Variants in RMI1 observed in about 807,000 individuals in gnomAD.
The protein encoded by RMI1 is recQ-mediated genome instability protein 1.
A neutral mutation model predicts 46.7 loss-of-function variants in RMI1; 36 were observed. The ratio of observed to expected loss-of-function variants is 0.77; its 90% CI spans 0.59 to 1.02. RMI1 has a LOEUF of 1.02. Ranked by LOEUF, RMI1 falls within the 50% of genes least tolerant of loss-of-function variation. The pLI is 0.00. For synonymous variants in RMI1, 250 were observed against 252.9 expected (o/e 0.99, Z 0.11); for missense variants, 676 against 713.7 (o/e 0.95, Z 0.60).
intron 1 of RMI1, among the ~76,000 whole-genome samples, chr9:83,986,557 A>G (rs764550652): frequency 4.6e-5 from 7 of 152,196 alleles, no homozygotes; most frequent in African/African-American, 1.2e-4. Context: ...CAGTTTCATC[A>G]TTGTCAAAAA....
At chr9:83,981,866 T>G (rs549266404) in intron 1 of RMI1, among the ~76,000 whole-genome samples, 35 of 152,186 alleles carry the variant, frequency 2.3e-4, no homozygotes, top group African/African-American at 8.0e-4. Context: ...CTTGACTGAT[T>G]AGAGGAAAAC....
intron 1 of RMI1, among the ~76,000 whole-genome samples, chr9:83,993,437 G>A (rs965144915): frequency 1.3e-5 from 2 of 152,186 alleles, no homozygotes; most frequent in Non-Finnish European, 2.9e-5. Flanking sequence ...TGTGAGCAAT[G>A]CTGCAACAAA....
rs1588474269 is a variant in RMI1, at chr9:84,001,662, A to G, written c.676A>G (p.Asn226Asp). 6.2e-7 allele frequency: 1 copy of G among 1,614,020 alleles called. No homozygotes were observed. Among genetic ancestry groups the G allele is most frequent in the East Asian group, 2.2e-5 (1 of 44,876 alleles). Residue 226 changes from asparagine (N) to aspartate (D), a missense_variant, in exon 3 of 3, where the codon AAC becomes GAC. Transcript: ENST00000445877. The part of the protein sequence containing the change: ...LVVSVIPNNS[N>D]ENIPRVTDVL... Reference sequence around the variant, plus strand: ...AGTTTCAGTCATACCAAACAATTCTAACGAAAACATTCCCAGAGTTACAGA... The same window carrying G: ...AGTTTCAGTCATACCAAACAATTCTGACGAAAACATTCCCAGAGTTACAGA...
In RMI1 at chr9:84,001,243, CT is replaced by C. The variant is rs1295757876; in HGVS notation, c.258del (p.Leu87CysfsTer9). The C allele has an allele frequency of 6.2e-7, 1 of 1,613,988 alleles. No individual in the cohort carries two copies. The highest frequency in any genetic ancestry group is 8.5e-7 in the Non-Finnish European group (1 of 1,180,000). On this transcript the variant is annotated frameshift_variant, in exon 3 of 3. Coordinates refer to ENST00000445877, the MANE Select transcript of RMI1 (RefSeq NM_001358291.2). LOFTEE classifies it high-confidence loss of function. ...AAAGGAGAATTAAATGGATTTTATGCTCTGCAGATTAATTCCTTGGTTGATG... is the reference window on the plus strand; with the variant it reads ...AAAGGAGAATTAAATGGATTTTATGCCTGCAGATTAATTCCTTGGTTGATG... ...IPKGELNGFY[A>X]LQINSLVDVS... is the part of the protein sequence containing the mutation.
chr9:83,994,508 T>C (rs1211573328), intron 1 of RMI1, among the ~76,000 whole-genome samples: 10 of 152,232 alleles, frequency 6.6e-5, no homozygotes, highest in Admixed American at 4.6e-4. Context: ...TTTAATCTTT[T>C]ACATGGGCAT....
chr9:84,002,817 G>A lies in RMI1; in HGVS notation c.1831G>A (p.Val611Ile), dbSNP rs760079370. Residue 611 changes from valine (V) to isoleucine (I), a missense_variant, in exon 3 of 3, where the codon GTT becomes ATT. Transcript: ENST00000445877. ...SKAMVLALQDVNMEHLENLKK... is the reference protein window; with the variant it reads ...SKAMVLALQDINMEHLENLKK... The stretch of plus-strand genomic sequence containing the variant: ...AGCAATGGTACTGGCATTACAAGAT[G>A]TTAATATGGAACACCTTGAGAATCT... 3 of 1,591,868 alleles carry A rather than the reference G, an allele frequency of 1.9e-6. No homozygotes were observed.
At chr9:83,988,310 T>C (rs1039893751) in intron 1 of RMI1, among the ~76,000 whole-genome samples, 2 of 152,204 alleles carry the variant, frequency 1.3e-5, no homozygotes, top group African/African-American at 4.8e-5. Flanking sequence ...TGTTTTCCTT[T>C]TGTTTTGTTT....
chr9:84,000,977 T>C lies in RMI1; in HGVS notation c.-10T>C. On this transcript the variant is annotated 5_prime_UTR_variant, in exon 3 of 3. Coordinates refer to ENST00000445877, the MANE Select transcript of RMI1 (RefSeq NM_001358291.2). ...TAATAGATGCATATTATTTCTTTTA[T>C]TTAAAAGAAATGAATGTGACTAGTA... 6.4e-7 allele frequency: 1 copy of C among 1,555,310 alleles called. No homozygotes were observed. Among genetic ancestry groups the C allele is most frequent in the Non-Finnish European group, 8.7e-7 (1 of 1,153,460 alleles).
At chr9:83,993,710 T>G (rs1957607460) in intron 1 of RMI1, among the ~76,000 whole-genome samples, 1 of 152,150 alleles carries the variant, frequency 6.6e-6, no homozygotes, top group South Asian at 2.1e-4. Context: ...ATTGTGGTTT[T>G]GATTTGTATT....
chr9:84,003,512 A>G lies in RMI1; in HGVS notation c.*648A>G, dbSNP rs1957769451. ...TAATATGTTGGTACTGTCTATGGCC[A>G]TACCACCCTGAACATGCCTGAGCTT... On this transcript the variant is annotated 3_prime_UTR_variant, in exon 3 of 3. Coordinates refer to ENST00000445877, the MANE Select transcript of RMI1 (RefSeq NM_001358291.2). The G allele has an allele frequency of 6.0e-6, 1 of 166,900 alleles. No individual in the cohort carries two copies. The highest frequency in any genetic ancestry group is 1.5e-5 in the Non-Finnish European group (1 of 68,124). 10.3% of individuals were successfully genotyped at this position (166,900 alleles called of 1,614,324 possible).
At position 84,001,240 on chromosome 9, in the gene RMI1, A is replaced by G; in HGVS notation, c.254A>G (p.Tyr85Cys). The change falls in exon 3 of 3, where the codon TAT becomes TGT. Residue 85 changes from tyrosine to cysteine, a missense_variant. Transcript: ENST00000445877. ...CCAAAAGGAGAATTAAATGGATTTT[A>G]TGCTCTGCAGATTAATTCCTTGGTT... ...EIPKGELNGF[Y>C]ALQINSLVDV... is the part of the protein sequence containing the mutation. 3 of 1,614,148 alleles carry G rather than the reference A, an allele frequency of 1.9e-6. No individual in the cohort carries two copies. The highest frequency in any genetic ancestry group is 2.5e-6 in the Non-Finnish European group (3 of 1,179,980).
In RMI1 at chr9:83,992,467, G is replaced by GA. The variant is rs763203089; in HGVS notation, c.-125-7230dup. Among the ~76,000 whole-genome samples, 173 of 140,652 alleles carry GA rather than the reference G, an allele frequency of 1.2e-3. 1 individual carries two copies. The Middle Eastern group carries it at 0.025, about 20-fold the overall frequency. The allele number at this position is 140,652 out of a possible 152,430, so 92.3% of individuals were successfully genotyped here. ...TCCATTTTAAACATCAAAACTACTG[G>GA]AAAAAAAAAAAAGCATAAAAACATG... On this transcript the variant is annotated intron_variant, in intron 1 of 2. Transcript: ENST00000445877.
At chr9:83,999,333 A>G (rs1957705575) in intron 1 of RMI1, among the ~76,000 whole-genome samples, 1 of 152,128 alleles carries the variant, frequency 6.6e-6, no homozygotes, top group Admixed American at 6.6e-5. Flanking sequence ...TATTAATCTA[A>G]TCTTCATAAC....
chr9:83,983,980 T>G (rs1431605689), intron 1 of RMI1, among the ~76,000 whole-genome samples: 1 of 152,104 alleles, frequency 6.6e-6, no homozygotes, highest in Non-Finnish European at 1.5e-5. Flanking sequence ...TGTATTTAAC[T>G]TTTTTTCCCA....
At chr9:83,989,835 A>T (rs1957542886) in intron 1 of RMI1, among the ~76,000 whole-genome samples, 1 of 152,218 alleles carries the variant, frequency 6.6e-6, no homozygotes, top group Non-Finnish European at 1.5e-5. Flanking sequence ...CAGCAATTTC[A>T]CCACAAAGTA....
intron 1 of RMI1, among the ~76,000 whole-genome samples, chr9:83,992,237 G>A (rs909847615): frequency 6.6e-6 from 1 of 152,158 alleles, no homozygotes; most frequent in Non-Finnish European, 1.5e-5. Flanking sequence ...TCCGTTGCTT[G>A]TGCAGTTGGC....
intron 1 of RMI1, among the ~76,000 whole-genome samples, chr9:83,981,457 C>T (rs1008442277): frequency 1.3e-5 from 2 of 152,228 alleles, no homozygotes; most frequent in Admixed American, 6.5e-5. Context: ...TGCTCCTGTT[C>T]TAGCGGGTTC....
chr9:83,999,625 T>C (rs1190686514), intron 1 of RMI1, 84 bp from the exon 2 acceptor site: 2 of 152,224 alleles, frequency 1.3e-5, no homozygotes, highest in African/African-American at 4.8e-5. Context: ...AACCATACCA[T>C]CAAACTCTTG....
chr9:83,992,820 A>G (rs1029043771), intron 1 of RMI1: 2 of 152,106 alleles, frequency 1.3e-5, no homozygotes, highest in Admixed American at 6.6e-5. Context: ...CATTTTCTTC[A>G]TCAATATTCA....
Sources: gnomAD v4.1 joint callset for allele counts (sites outside exome capture counted in the v4.1 genomes callset) on GRCh38, gnomAD v4.1.1 for gene constraint, MANE v1.5 for transcripts, NCBI Gene and HGNC (gene_info 2026-07-23, HGNC 2026-07-21) for gene names.